CIP2A: variants seen among roughly 807,000 people sequenced by gnomAD.
CIP2A encodes the protein protein CIP2A.
CIP2A carries 103 observed loss-of-function variants against 110.9 expected under a neutral mutation model. That is an observed-to-expected ratio of 0.93 (90% CI 0.79 to 1.09). The LOEUF is 1.09. Ranked by LOEUF, CIP2A falls within the 50% of genes least tolerant of loss-of-function variation. The probability of loss-of-function intolerance (pLI) is 0.00; values close to 1 mark genes in which losing one functional copy is unlikely to be tolerated. For missense variants in CIP2A, 1,088 were observed against 1,038.4 expected (o/e 1.05, Z -0.66); for synonymous variants, 381 against 361.6 (o/e 1.05, Z -0.61).
chr3:108,553,485 G>A (rs1225292577), intron 19 of CIP2A, among the ~76,000 whole-genome samples, 163 bp downstream of exon 19: 6 of 151,828 alleles, frequency 4.0e-5, no homozygotes, highest in Middle Eastern at 3.4e-3. Context: ...TGATTAAACC[G>A]AACTGCTTTT....
chr3:108,566,190 T>C (rs1938174187), intron 11 of CIP2A, among the ~76,000 whole-genome samples: 1 of 151,686 alleles, frequency 6.6e-6, no homozygotes, highest in African/African-American at 2.4e-5. Context: ...AAAAGTAAAA[T>C]TGATTACTGA....
intron 4 of CIP2A, among the ~76,000 whole-genome samples, chr3:108,581,762 C>G (rs13074306): frequency 4.3e-4 from 65 of 152,202 alleles, no homozygotes; most frequent in Middle Eastern, 6.8e-3. Context: ...CAGCGTGGAC[C>G]ATGTGCTGTT....
At chr3:108,582,660 TA>T (rs1938920531) in intron 3 of CIP2A, among the ~76,000 whole-genome samples, 1 of 152,220 alleles carries the variant, frequency 6.6e-6, no homozygotes, top group Non-Finnish European at 1.5e-5. Context: ...AGATTGAGAC[TA>T]GATGCCAACT....
intron 1 of CIP2A, among the ~76,000 whole-genome samples, chr3:108,587,705 G>T (rs1939104389): frequency 6.6e-6 from 1 of 152,220 alleles, no homozygotes; most frequent in South Asian, 2.1e-4. Context: ...AACAACGGTA[G>T]AAGAGTTTTA....
At chr3:108,576,371 T>A in intron 7 of CIP2A, 25 bp from the exon 8 acceptor site, 1 of 1,182,100 alleles carries the variant, frequency 8.5e-7, no homozygotes, top group Non-Finnish European at 1.2e-6. Flanking sequence ...AAAATATACA[T>A]CAAATGATAA....
chr3:108,582,200 G>A lies in CIP2A; in HGVS notation c.360C>T (p.Cys120=). 1 of 1,290,248 alleles carries A rather than the reference G, an allele frequency of 7.8e-7. No homozygotes were observed. The highest frequency in any genetic ancestry group is 1.1e-6 in the Non-Finnish European group (1 of 916,978). The allele number at this position is 1,290,248 out of a possible 1,614,324, so 79.9% of individuals were successfully genotyped here. ...ATGTTAACTTCTGTAGAAGTTGAAT[G>A]CACTGAGAATAAGAAAATAGTTATA... ...SSHTDSVFLQ[C]IQLLQKLTYN... Residue 120 remains cysteine, a splice_region_variant and synonymous_variant, in exon 4 of 21, where the codon TGC becomes TGT. Coordinates refer to ENST00000295746, the MANE Select transcript of CIP2A (RefSeq NM_020890.3).
intron 2 of CIP2A, among the ~76,000 whole-genome samples, chr3:108,584,351 C>G (rs944794331): frequency 6.6e-6 from 1 of 152,098 alleles, no homozygotes; most frequent in Non-Finnish European, 1.5e-5. Context: ...TGTTTTGTTA[C>G]AGCACAGAAA....
chr3:108,552,403 C>A, intron 19 of CIP2A, 30 bp from the exon 20 acceptor site: 1 of 1,426,412 alleles, frequency 7.0e-7, no homozygotes, highest in Non-Finnish European at 9.4e-7. Context: ...AAGTATTATA[C>A]TCAGAGGTCT....
At chr3:108,574,387 T>C (rs1001490733) in intron 8 of CIP2A, among the ~76,000 whole-genome samples, 2 of 152,220 alleles carry the variant, frequency 1.3e-5, no homozygotes, top group African/African-American at 4.8e-5. Context: ...CAAATATTCA[T>C]AAACTGGTCC....
chr3:108,551,088 CTCCAATAGATAAATA>C lies in CIP2A; in HGVS notation c.*46_*60del. 1.5e-6 allele frequency: 1 copy of C among 679,626 alleles called. No individual in the cohort carries two copies. Among genetic ancestry groups the C allele is most frequent in the Non-Finnish European group, 2.3e-6 (1 of 440,042 alleles). The allele number at this position is 679,626 out of a possible 1,614,324, so 42.1% of individuals were successfully genotyped here. The stretch of plus-strand genomic sequence containing the variant: ...AAATTAACTCCCCTACCCACCCCCC[CTCCAATAGATAAATA>C]CATCAAAAATATCATGAGATTACAA... On this transcript the variant is annotated 3_prime_UTR_variant, in exon 21 of 21. Transcript: ENST00000295746.
intron 8 of CIP2A, 77 bp downstream of exon 8, chr3:108,576,194 G>T: frequency 2.5e-6 from 2 of 814,696 alleles, no homozygotes; most frequent in South Asian, 1.8e-5. Context: ...GGATTTTTCT[G>T]TATTTTGCAG....
At chr3:108,574,670 G>T (rs1224278220) in intron 8 of CIP2A, 2 of 152,556 alleles carry the variant, frequency 1.3e-5, no homozygotes, top group East Asian at 1.9e-4. Flanking sequence ...TGCTTGTATG[G>T]GTTGGCCTAA....
At position 108,557,424 on chromosome 3, in the gene CIP2A, A is replaced by G; in HGVS notation, c.2014-10T>C. 1 of 1,568,344 alleles carries G rather than the reference A, an allele frequency of 6.4e-7. No individual in the cohort carries two copies. The highest frequency in any genetic ancestry group is 8.6e-7 in the Non-Finnish European group (1 of 1,156,286). On this transcript the variant is annotated splice_polypyrimidine_tract_variant and intron_variant, in intron 16 of 20. Coordinates refer to ENST00000295746, the MANE Select transcript of CIP2A (RefSeq NM_020890.3). ...TAGCAAGTGTCCGTGCCTCAAAAAA[A>G]AAAAGAAGATAGACTTTACCACTAT...
At chr3:108,564,563 A>C (rs1422009611) in intron 12 of CIP2A, among the ~76,000 whole-genome samples, 1 of 151,934 alleles carries the variant, frequency 6.6e-6, no homozygotes, top group Non-Finnish European at 1.5e-5. Context: ...ATGTAATCAA[A>C]CTGCACTTTG....
At chr3:108,569,181 T>TATATATATATACACACACACACAC in intron 9 of CIP2A, among the ~76,000 whole-genome samples, 1 of 58,246 alleles carries the variant, frequency 1.7e-5, no homozygotes, top group African/African-American at 4.6e-5. Flanking sequence ...TATATATATA[T>TATATATATATACACACACACACAC]ACATACACAC....
intron 19 of CIP2A, among the ~76,000 whole-genome samples, chr3:108,552,752 T>C (rs896401742): frequency 3.3e-5 from 5 of 152,208 alleles, no homozygotes; most frequent in Non-Finnish European, 5.9e-5. Flanking sequence ...TGCCACCTGC[T>C]GTTACGTTCC....
chr3:108,565,127 A>T lies in CIP2A; in HGVS notation c.1515+228T>A, dbSNP rs569081664. 7.2e-5 allele frequency among the ~76,000 whole-genome samples: 11 copies of T among 152,016 alleles called. No individual in the cohort carries two copies. In the East Asian group the frequency reaches 2.1e-3, roughly 29 times the overall value. ...CTGAGGAAGCAGCACTATTGTGAAC[A>T]TTCTCTACATTAGTGTCATGAGCAC... On this transcript the variant is annotated intron_variant, in intron 12 of 20. Transcript: ENST00000295746.
intron 1 of CIP2A, among the ~76,000 whole-genome samples, chr3:108,588,977 G>A (rs1013402207): frequency 1.7e-4 from 26 of 152,180 alleles, no homozygotes; most frequent in African/African-American, 6.3e-4. Flanking sequence ...ACCAAAACTA[G>A]AAGCAAAGGA....
At chr3:108,578,311 T>C (rs1470722732) in intron 7 of CIP2A, among the ~76,000 whole-genome samples, 11 of 152,106 alleles carry the variant, frequency 7.2e-5, no homozygotes, top group Non-Finnish European at 1.5e-5. Context: ...ACATGGATAT[T>C]GGGAGAATCT....
Sources: allele counts gnomAD v4.1 joint callset (sites outside exome capture counted in the v4.1 genomes callset), GRCh38; gene constraint gnomAD v4.1.1; transcripts MANE v1.5; gene names NCBI Gene and HGNC (gene_info 2026-07-23, HGNC 2026-07-21).